Variants in RBMS1 observed in about 807,000 individuals in gnomAD.
RBMS1 encodes the protein RNA-binding motif, single-stranded-interacting protein 1.
A neutral mutation model predicts 62.3 loss-of-function variants in RBMS1; 17 were observed. The ratio of observed to expected loss-of-function variants is 0.27; its 90% CI spans 0.19 to 0.41. RBMS1 has a LOEUF of 0.41. Among genes scored for constraint, RBMS1 ranks in the 10% least tolerant of loss-of-function variants. The pLI is 1.00. For synonymous variants in RBMS1, 172 were observed against 170.0 expected, an observed-to-expected ratio of 1.01 and a Z score of -0.09; for missense variants, 334 against 504.5, an observed-to-expected ratio of 0.66 and a Z score of 3.24.
rs150803626 is a variant in RBMS1 at position 160,417,960 on chromosome 2, A to G, written c.76-50569T>C. Among the ~76,000 whole-genome samples the G allele has an allele frequency of 2.6e-3, 396 of 152,254 alleles. 3 individuals carry two copies. Among genetic ancestry groups the G allele is most frequent in the African/African-American group, 9.0e-3 (375 of 41,552 alleles). ...GCATCAGAATGAGAAACTTCACCCT[A>G]ATCTCACAAAGACATCCATCACAAA... On this transcript the variant is annotated intron_variant, in intron 1 of 13. Transcript: ENST00000348849.
At chr2:160,422,009 CAAG>C (rs1285713004) in intron 1 of RBMS1, among the ~76,000 whole-genome samples, 2 of 152,198 alleles carry the variant, frequency 1.3e-5, no homozygotes, top group East Asian at 3.8e-4. Flanking sequence ...AATGGGCTTT[CAAG>C]AAGAACTACT....
chr2:160,404,275 C>G (rs549466138), intron 1 of RBMS1, among the ~76,000 whole-genome samples: 1 of 152,176 alleles, frequency 6.6e-6, no homozygotes, highest in Non-Finnish European at 1.5e-5. Context: ...TCCTGTTGAT[C>G]CCAGATGATG....
chr2:160,464,601 C>T (rs992520556), intron 1 of RBMS1, among the ~76,000 whole-genome samples: 1 of 152,112 alleles, frequency 6.6e-6, no homozygotes, highest in Non-Finnish European at 1.5e-5. Flanking sequence ...TTAACACTAT[C>T]AGGTGGTTAT....
intron 1 of RBMS1, among the ~76,000 whole-genome samples, chr2:160,491,262 A>G (rs1574126481): frequency 6.6e-6 from 1 of 152,240 alleles, no homozygotes; most frequent in Non-Finnish European, 1.5e-5. Flanking sequence ...ATACCATGTT[A>G]TATAGGTCAA....
chr2:160,351,335 A>AT (rs1692497269), intron 2 of RBMS1, among the ~76,000 whole-genome samples: 1 of 149,978 alleles, frequency 6.7e-6, no homozygotes, highest in South Asian at 2.1e-4. Context: ...ATAAATAATA[A>AT]AAAAAAAAGA....
intron 1 of RBMS1, among the ~76,000 whole-genome samples, chr2:160,456,012 T>G (rs1418786441): frequency 6.6e-6 from 1 of 152,186 alleles, no homozygotes; most frequent in East Asian, 1.9e-4. Context: ...GGCAGTGATT[T>G]ATCCATGATA....
intron 6 of RBMS1, among the ~76,000 whole-genome samples, chr2:160,296,591 T>A (rs1168770935): frequency 6.6e-6 from 1 of 152,224 alleles, no homozygotes; most frequent in Non-Finnish European, 1.5e-5. Flanking sequence ...TTCCATGACT[T>A]CTGGCTGGAA....
intron 1 of RBMS1, among the ~76,000 whole-genome samples, chr2:160,386,347 C>T (rs566548904): frequency 6.6e-6 from 1 of 152,228 alleles, no homozygotes; most frequent in South Asian, 2.1e-4. Flanking sequence ...ACCAGCCTGA[C>T]CAACACAGTG....
At chr2:160,393,147 A>G (rs900866684) in intron 1 of RBMS1, among the ~76,000 whole-genome samples, 3 of 152,212 alleles carry the variant, frequency 2.0e-5, no homozygotes, top group Non-Finnish European at 2.9e-5. Context: ...GTGACAATCA[A>G]CACAAAACAG....
At chr2:160,433,356 A>G (rs1682978203) in intron 1 of RBMS1, among the ~76,000 whole-genome samples, 1 of 152,286 alleles carries the variant, frequency 6.6e-6, no homozygotes, top group East Asian at 1.9e-4. Context: ...TGAGGCTGCA[A>G]TGAGCCGAGA....
intron 5 of RBMS1, among the ~76,000 whole-genome samples, chr2:160,303,036 A>C (rs529249258): frequency 3.3e-5 from 5 of 152,330 alleles, no homozygotes; most frequent in African/African-American, 1.2e-4. Context: ...ATTTTTAAAA[A>C]GTTAGAAGCA....
intron 2 of RBMS1, among the ~76,000 whole-genome samples, chr2:160,324,044 T>C (rs1251506188): frequency 1.3e-5 from 2 of 152,244 alleles, no homozygotes; most frequent in Non-Finnish European, 2.9e-5. Context: ...TCTGCCTCTA[T>C]CACTTAGTTA....
At chr2:160,391,920 A>G (rs1340294773) in intron 1 of RBMS1, among the ~76,000 whole-genome samples, 2 of 152,050 alleles carry the variant, frequency 1.3e-5, no homozygotes, top group Non-Finnish European at 2.9e-5. Flanking sequence ...AGATCGCACC[A>G]CTGCACTACA....
chr2:160,273,825 A>ATATCCTAAATCAGTC lies in RBMS1; in HGVS notation c.*932_*946dup, dbSNP rs1687692179. On this transcript the variant is annotated 3_prime_UTR_variant, in exon 14 of 14. Transcript: ENST00000348849. ...GACTTTACATTGCATCATACAGCAG[A>ATATCCTAAATCAGTC]TATCCTAAATCAGTCAAACTATCAG... 1 of 151,660 alleles carries ATATCCTAAATCAGTC rather than the reference A, an allele frequency of 6.6e-6. No individual in the cohort carries two copies. The highest frequency in any genetic ancestry group is 2.1e-4 in the South Asian group (1 of 4,824). 9.4% of individuals were successfully genotyped at this position (151,660 alleles called of 1,614,324 possible). A position where few individuals can be genotyped will look rare whatever the true frequency, so the allele number is the denominator to read the frequency against.
chr2:160,282,815 A>G (rs1405053235), intron 9 of RBMS1: 3 of 153,284 alleles, frequency 2.0e-5, no homozygotes, highest in Non-Finnish European at 4.4e-5. Context: ...CACAAGCAAC[A>G]TTTTGCAAAC....
chr2:160,477,208 G>A (rs1391817375), intron 1 of RBMS1, among the ~76,000 whole-genome samples: 1 of 152,172 alleles, frequency 6.6e-6, no homozygotes, highest in African/African-American at 2.4e-5. Context: ...CTAGCAGGGC[G>A]TGGTGGCGCA....
chr2:160,311,564 T>C (rs576067324), intron 4 of RBMS1, among the ~76,000 whole-genome samples: 1 of 152,196 alleles, frequency 6.6e-6, no homozygotes, highest in South Asian at 2.1e-4. Flanking sequence ...CGTGCTACAA[T>C]TCAAAAGTAG....
chr2:160,437,721 T>C (rs975557792), intron 1 of RBMS1, among the ~76,000 whole-genome samples: 3 of 152,358 alleles, frequency 2.0e-5, no homozygotes, highest in African/African-American at 7.2e-5. Context: ...TTCTGAGGGC[T>C]ACAGATACAA....
chr2:160,396,991 G>A (rs1276492103), intron 1 of RBMS1, among the ~76,000 whole-genome samples: 1 of 152,130 alleles, frequency 6.6e-6, no homozygotes, highest in East Asian at 1.9e-4. Context: ...TGTCTTTCTT[G>A]ATTTCACGTT....
Sources: gnomAD v4.1 joint callset for allele counts (sites outside exome capture counted in the v4.1 genomes callset) on GRCh38, gnomAD v4.1.1 for gene constraint, MANE v1.5 for transcripts, NCBI Gene and HGNC (gene_info 2026-07-23, HGNC 2026-07-21) for gene names.